Variants in LRRC4C observed in about 807,000 individuals in gnomAD.
LRRC4C encodes the protein leucine rich repeat containing 4C.
In LRRC4C, 5 loss-of-function variants were observed where a neutral mutation model predicts 33.6. The ratio of observed to expected loss-of-function variants is 0.15; its 90% CI spans 0.08 to 0.31. The LOEUF (loss-of-function observed/expected upper bound fraction) is 0.31, where lower values mean the gene tolerates loss of function less well. Among genes scored for constraint, LRRC4C ranks in the 10% least tolerant of loss-of-function variants. LRRC4C has a pLI of 1.00. For missense variants in LRRC4C, 560 were observed against 796.7 expected, an observed-to-expected ratio of 0.70 and a Z score of 3.58; for synonymous variants, 329 against 302.0, an observed-to-expected ratio of 1.09 and a Z score of -0.93.
chr11:40,480,427 G>A (rs1953490091), intron 3 of LRRC4C, among the ~76,000 whole-genome samples: 1 of 151,738 alleles, frequency 6.6e-6, no homozygotes. Context: ...GGAGCTGAAC[G>A]GTGAGTACAC....
chr11:41,241,965 AAT>A (rs1037866341), intron 1 of LRRC4C, among the ~76,000 whole-genome samples: 184 of 152,316 alleles, frequency 1.2e-3, no homozygotes, highest in African/African-American at 4.3e-3. Flanking sequence ...AAGTTATTAA[AAT>A]ATGTCTCAAC....
intron 3 of LRRC4C, among the ~76,000 whole-genome samples, chr11:40,626,249 C>A (rs1035255289): frequency 3.3e-5 from 5 of 152,124 alleles, no homozygotes; most frequent in African/African-American, 4.8e-5. Context: ...CCTTACATTT[C>A]TCTTTCCTTA....
intron 1 of LRRC4C, among the ~76,000 whole-genome samples, chr11:41,410,373 C>T (rs1175218143): frequency 2.3e-5 from 1 of 43,228 alleles, no homozygotes; most frequent in Non-Finnish European, 4.8e-5. Context: ...TCAAAAGATT[C>T]CAAAGAATGT....
At chr11:41,291,782 A>G (rs1158762212) in intron 1 of LRRC4C, among the ~76,000 whole-genome samples, 2 of 152,220 alleles carry the variant, frequency 1.3e-5, no homozygotes, top group Admixed American at 6.5e-5. Flanking sequence ...AGATTTGCTT[A>G]ATAGCAACAA....
intron 1 of LRRC4C, among the ~76,000 whole-genome samples, chr11:41,052,350 C>T (rs191959643): frequency 1.4e-3 from 207 of 152,070 alleles, no homozygotes; most frequent in African/African-American, 4.7e-3. Context: ...ATAATCTTTC[C>T]TCAGTTGCAG....
rs550318360 is a variant in LRRC4C at position 41,275,479 on chromosome 11, T to C, written c.-496+183952A>G. On this transcript the variant is annotated intron_variant, in intron 1 of 6. Coordinates refer to ENST00000528697, the MANE Select transcript of LRRC4C (RefSeq NM_001258419.2). ...CCTTTCAAACACAGAAGCAGAAGAG[T>C]GGGACATATTTTCTTTTTGTTGTTG... 3.9e-5 allele frequency among the ~76,000 whole-genome samples: 6 copies of C among 152,246 alleles called. No homozygotes were observed. The South Asian group carries it at 1.2e-3, about 32-fold the overall frequency.
At chr11:40,592,059 G>T (rs1319879048) in intron 3 of LRRC4C, among the ~76,000 whole-genome samples, 1 of 152,128 alleles carries the variant, frequency 6.6e-6, no homozygotes, top group Non-Finnish European at 1.5e-5. Context: ...CATGTTTATT[G>T]TGCCTCAGTT....
intron 2 of LRRC4C, among the ~76,000 whole-genome samples, chr11:40,690,581 A>G (rs940754190): frequency 6.6e-6 from 1 of 152,076 alleles, no homozygotes; most frequent in Non-Finnish European, 1.5e-5. Context: ...GTCTCTTAGA[A>G]CGGAGAGATT....
intron 1 of LRRC4C, among the ~76,000 whole-genome samples, chr11:41,141,995 C>A (rs577386894): frequency 4.9e-4 from 74 of 151,876 alleles, no homozygotes; most frequent in Non-Finnish European, 8.4e-4. Flanking sequence ...AAAAGACTCA[C>A]AAAAGATAAA....
intron 2 of LRRC4C, among the ~76,000 whole-genome samples, chr11:40,929,993 C>T (rs1957551839): frequency 6.6e-6 from 1 of 152,082 alleles, no homozygotes; most frequent in Non-Finnish European, 1.5e-5. Context: ...TATCAGATTT[C>T]TGACAGGAAA....
intron 1 of LRRC4C, among the ~76,000 whole-genome samples, chr11:41,023,359 A>G (rs1176822722): frequency 6.6e-6 from 1 of 151,874 alleles, no homozygotes; most frequent in Non-Finnish European, 1.5e-5. Flanking sequence ...GATTCAGAAT[A>G]AAACTAAAAG....
rs150451755 is a variant in LRRC4C, at chr11:41,407,235, ACT to A, written c.-496+52194_-496+52195del. Reference sequence around the variant, plus strand: ...ATACTAGCAACTTGTTTTAAAGGTCACTCTGCATTTATGTGGTAGAGTCAGGA... The same window carrying A: ...ATACTAGCAACTTGTTTTAAAGGTCACTGCATTTATGTGGTAGAGTCAGGA... On this transcript the variant is annotated intron_variant, in intron 1 of 6. Coordinates refer to ENST00000528697, the MANE Select transcript of LRRC4C (RefSeq NM_001258419.2). Among the ~76,000 whole-genome samples the A allele has an allele frequency of 4.7e-3, 707 of 151,546 alleles. 7 individuals carry two copies. The highest frequency in any genetic ancestry group is 0.017 in the African/African-American group (695 of 41,318).
At chr11:41,453,952 C>T (rs1956104095) in intron 1 of LRRC4C, among the ~76,000 whole-genome samples, 1 of 152,078 alleles carries the variant, frequency 6.6e-6, no homozygotes, top group Admixed American at 6.6e-5. Flanking sequence ...TCCTTTCTAA[C>T]TCTCCTAGAA....
chr11:40,196,967 C>G (rs1862313275), intron 5 of LRRC4C, among the ~76,000 whole-genome samples: 1 of 152,234 alleles, frequency 6.6e-6, no homozygotes, highest in South Asian at 2.1e-4. Flanking sequence ...AAATTGCTTG[C>G]TAATTGGATA....
At chr11:41,247,938 T>C (rs1241793462) in intron 1 of LRRC4C, among the ~76,000 whole-genome samples, 1 of 152,094 alleles carries the variant, frequency 6.6e-6, no homozygotes, top group African/African-American at 2.4e-5. Context: ...CTCTTTGGAC[T>C]CTTGATGCCA....
intron 3 of LRRC4C, among the ~76,000 whole-genome samples, chr11:40,506,178 C>T (rs967644706): frequency 6.6e-6 from 1 of 152,070 alleles, no homozygotes; most frequent in African/African-American, 2.4e-5. Flanking sequence ...TTAAGAGTAC[C>T]AGTTAATTCA....
intron 4 of LRRC4C, among the ~76,000 whole-genome samples, chr11:40,308,951 C>T (rs780078143): frequency 1.3e-5 from 2 of 152,198 alleles, no homozygotes; most frequent in Non-Finnish European, 2.9e-5. Context: ...TTTCTACCAA[C>T]ATTCTGTTCA....
At chr11:41,205,055 G>A (rs1338968173) in intron 1 of LRRC4C, among the ~76,000 whole-genome samples, 2 of 152,130 alleles carry the variant, frequency 1.3e-5, no homozygotes, top group African/African-American at 4.8e-5. Flanking sequence ...TTTGGTAATT[G>A]TAAATGTATA....
chr11:40,611,060 A>G (rs1961167958), intron 3 of LRRC4C, among the ~76,000 whole-genome samples: 1 of 151,920 alleles, frequency 6.6e-6, no homozygotes, highest in Non-Finnish European at 1.5e-5. Context: ...AGGATCCCAA[A>G]TAGCCAAAAC....
Sources: gnomAD v4.1 joint callset for allele counts (sites outside exome capture counted in the v4.1 genomes callset) on GRCh38, gnomAD v4.1.1 for gene constraint, MANE v1.5 for transcripts, NCBI Gene and HGNC (gene_info 2026-07-23, HGNC 2026-07-21) for gene names.